The following EPRS1 variants were observed in gnomAD, a reference collection of about 807,000 sequenced individuals.
The protein encoded by EPRS1 is bifunctional glutamate/proline--tRNA ligase.
In EPRS1, 107 loss-of-function variants were observed where a neutral mutation model predicts 188.3. That is an observed-to-expected ratio of 0.57 (90% CI 0.49 to 0.67). The LOEUF is 0.67. Among genes scored for constraint, EPRS1 ranks in the 30% least tolerant of loss-of-function variants. EPRS1 has a pLI of 0.00. For synonymous variants in EPRS1, 596 were observed against 593.1 expected, an observed-to-expected ratio of 1.00 and a Z score of -0.07; for missense variants, 1,577 against 1,802.2, an observed-to-expected ratio of 0.88 and a Z score of 2.26.
chr1:220,000,732 G>A (rs1251296901), intron 17 of EPRS1, among the ~76,000 whole-genome samples: 1 of 152,190 alleles, frequency 6.6e-6, no homozygotes, highest in Non-Finnish European at 1.5e-5. Flanking sequence ...TATAATCCCA[G>A]CACTCTGGGA....
intron 9 of EPRS1, among the ~76,000 whole-genome samples, chr1:220,020,742 ATTACAT>A (rs1661857201): frequency 6.7e-6 from 1 of 148,648 alleles, no homozygotes; most frequent in Non-Finnish European, 1.5e-5. Flanking sequence ...TTAGGTCAAA[ATTACAT>A]TTAAGATGAA....
Position 219,997,297 on chromosome 1 carries a change from T to A in EPRS1, c.2227A>T (p.Asn743Tyr). ...AAGGAATCCTCAGATGTAGTACAATTATTATTCAGAGAAGGTGTTGGTCTT... is the reference window on the plus strand; with the variant it reads ...AAGGAATCCTCAGATGTAGTACAATAATTATTCAGAGAAGGTGTTGGTCTT... ...KERPTPSLNN[N>Y]CTTSEDSLVL... The change falls in exon 18 of 32, where the codon AAT becomes TAT. Residue 743 changes from asparagine (N) to tyrosine (Y), a missense_variant. Physicochemically the swap from Asn to Tyr is moderately radical, Grantham distance 143 (BLOSUM62 -2). This residue lies in a region of EPRS1 where 1,278 missense variants were observed against 1,457.4 expected (regional missense o/e 0.88). Coordinates refer to ENST00000366923, the MANE Select transcript of EPRS1 (RefSeq NM_004446.3). 1 of 1,612,424 alleles carries A rather than the reference T, an allele frequency of 6.2e-7. No homozygotes were observed. Among genetic ancestry groups the A allele is most frequent in the South Asian group, 1.1e-5 (1 of 90,640 alleles).
intron 28 of EPRS1, 110 bp from the exon 29 acceptor site, chr1:219,973,508 A>C: frequency 6.2e-6 from 4 of 647,748 alleles, no homozygotes; most frequent in Non-Finnish European, 6.9e-6. Context: ...CAAAAAACAA[A>C]GGCAAAGCCA....
intron 5 of EPRS1, among the ~76,000 whole-genome samples, chr1:220,032,148 C>T (rs1165739922): frequency 2.6e-5 from 4 of 151,726 alleles, no homozygotes; most frequent in Non-Finnish European, 5.9e-5. Flanking sequence ...GATCTCGGCT[C>T]ACTGCAAGCT....
At chr1:219,979,328 G>C (rs1660846483) in intron 27 of EPRS1, 90 bp downstream of exon 27, 4 of 944,060 alleles carry the variant, frequency 4.2e-6, no homozygotes, top group Non-Finnish European at 6.5e-6. Flanking sequence ...CTGCCTGAAT[G>C]ATATTCAGAA....
chr1:219,991,156 G>T (rs1203948842), intron 18 of EPRS1, among the ~76,000 whole-genome samples: 1 of 146,022 alleles, frequency 6.8e-6, no homozygotes, highest in South Asian at 2.2e-4. Context: ...CATTCAGAAT[G>T]AGTACTCAAA....
At chr1:219,990,761 G>C (rs1167354143) in intron 18 of EPRS1, among the ~76,000 whole-genome samples, 1 of 152,130 alleles carries the variant, frequency 6.6e-6, no homozygotes, top group Non-Finnish European at 1.5e-5. Flanking sequence ...AGAACAAATG[G>C]ATGGAGAACA....
chr1:220,035,110 A>G, intron 2 of EPRS1, 97 bp from the exon 3 acceptor site: 1 of 635,500 alleles, frequency 1.6e-6, no homozygotes. Context: ...ACTTTATTAT[A>G]TTTACCATGT....
rs766215057 is a variant in EPRS1, at chr1:220,034,906, T to C, written c.231+8A>G. 6.7e-6 allele frequency: 10 copies of C among 1,487,066 alleles called. No homozygotes were observed. In the South Asian group the frequency reaches 1.0e-4, roughly 15 times the overall value. 92.1% of individuals were successfully genotyped at this position (1,487,066 alleles called of 1,614,324 possible). On this transcript the variant is annotated splice_region_variant and intron_variant, in intron 3 of 31. Transcript: ENST00000366923. ...CAAAACACACACAACAAAATGTTCA[T>C]TGCTTACCTCAGTATGTTCCATCAG...
chr1:219,992,441 A>C (rs1661141252), intron 18 of EPRS1, among the ~76,000 whole-genome samples: 1 of 152,172 alleles, frequency 6.6e-6, no homozygotes, highest in Non-Finnish European at 1.5e-5. Flanking sequence ...TTGATTTTTA[A>C]ACAACTGTTA....
At chr1:220,018,268 T>C (rs981419529) in intron 12 of EPRS1, 181 bp downstream of exon 12, 53 of 898,918 alleles carry the variant, frequency 5.9e-5, no homozygotes, top group Non-Finnish European at 8.5e-5. Context: ...GAATAGTTAA[T>C]AGGCTTAATT....
At chr1:220,016,558 G>A (rs897368128) in intron 12 of EPRS1, among the ~76,000 whole-genome samples, 14 of 144,356 alleles carry the variant, frequency 9.7e-5, no homozygotes, top group African/African-American at 1.8e-4. Flanking sequence ...CTACAAGCAT[G>A]CACGACCAGG....
chr1:220,040,221 A>G lies in EPRS1; in HGVS notation c.95T>C (p.Val32Ala), dbSNP rs1434289180. 2 of 1,610,664 alleles carry G rather than the reference A, an allele frequency of 1.2e-6. No homozygotes were observed. Among genetic ancestry groups the G allele is most frequent in the Non-Finnish European group, 1.7e-6 (2 of 1,177,412 alleles). The stretch of plus-strand genomic sequence containing the variant: ...AAGAATATTCTCTTTCCCTTCTTCA[A>G]CGGAAATGCTGACATCGTCTTTCAC... ...EHVKDDVSIS[V>A]EEGKENILHV... The change falls in exon 2 of 32, where the codon GTT becomes GCT. Residue 32 changes from valine to alanine, a missense_variant. By Grantham distance (64) the Val-to-Ala change is moderately conservative. Coordinates refer to ENST00000366923, the MANE Select transcript of EPRS1 (RefSeq NM_004446.3).
intron 18 of EPRS1, among the ~76,000 whole-genome samples, chr1:219,992,691 C>T (rs1408436237): frequency 1.3e-5 from 2 of 152,160 alleles, no homozygotes; most frequent in African/African-American, 4.8e-5. Context: ...CTTTGGGAGG[C>T]CGAGGCGGGT....
Position 219,981,366 on chromosome 1 carries a change from G to GTGAA in EPRS1, c.3453+8_3453+11dup. 1 of 1,564,136 alleles carries GTGAA rather than the reference G, an allele frequency of 6.4e-7. No homozygotes were observed. The highest frequency in any genetic ancestry group is 8.7e-7 in the Non-Finnish European group (1 of 1,145,138). On this transcript the variant is annotated intron_variant, in intron 24 of 31. Transcript: ENST00000366923. The stretch of plus-strand genomic sequence containing the variant: ...GAATAATAATAGAATACAAGAGGGG[G>GTGAA]TGAATACCTACCACCACATTGCACC...
At chr1:220,039,735 G>T (rs1342947326) in intron 2 of EPRS1, among the ~76,000 whole-genome samples, 1 of 152,092 alleles carries the variant, frequency 6.6e-6, no homozygotes, top group Non-Finnish European at 1.5e-5. Flanking sequence ...ACCCAGGATG[G>T]TCTCGATCTC....
chr1:220,024,219 C>A, intron 8 of EPRS1, 45 bp downstream of exon 8: 1 of 1,261,220 alleles, frequency 7.9e-7, no homozygotes, highest in African/African-American at 1.5e-5. Context: ...ACTAAAGAAG[C>A]ACAATATAAG....
rs574414616 is a variant in EPRS1 at position 220,032,371 on chromosome 1, A to AG, written c.528+15dup. ...AAAGTGTTTTTTTTTTTAAAAAAAA[A>AG]GAAAAAAAGGCTTACCACTCGAGCT... On this transcript the variant is annotated intron_variant, in intron 5 of 31. Coordinates refer to ENST00000366923, the MANE Select transcript of EPRS1 (RefSeq NM_004446.3). 2 of 1,566,384 alleles carry AG rather than the reference A, an allele frequency of 1.3e-6. No individual in the cohort carries two copies. Among genetic ancestry groups the AG allele is most frequent in the South Asian group, 1.2e-5 (1 of 83,092 alleles).
Position 220,007,335 on chromosome 1 carries a change from G to C in EPRS1, c.1609C>G (p.Pro537Ala), listed in dbSNP as rs750022361. The C allele has an allele frequency of 1.9e-6, 3 of 1,603,520 alleles. No individual in the cohort carries two copies. Among genetic ancestry groups the C allele is most frequent in the Non-Finnish European group, 2.5e-6 (3 of 1,177,314 alleles). Residue 537 changes from proline (P) to alanine (A), a missense_variant, in exon 14 of 32, where the codon CCT (proline) becomes GCT (alanine). Around this residue, in one of 3 missense-constraint regions of EPRS1, gnomAD observed 1,278 missense variants for 1,457.4 expected, o/e 0.88. Transcript: ENST00000366923. Reference sequence around the variant, plus strand: ...CACACAGGCTTCAAGCCAACCTCAGGATTCTGATTGATAAAGAAAAGCAGA... The same window carrying C: ...CACACAGGCTTCAAGCCAACCTCAGCATTCTGATTGATAAAGAAAAGCAGA... ...MKEVAKHPKN[P>A]EVGLKPVWYS...
Sources: allele counts gnomAD v4.1 joint callset (sites outside exome capture counted in the v4.1 genomes callset), GRCh38; gene constraint gnomAD v4.1.1; regional missense constraint gnomAD v4.1.1; transcripts MANE v1.5; gene names NCBI Gene and HGNC (gene_info 2026-07-23, HGNC 2026-07-21).